The following CTNNA3 variants were observed in gnomAD, a reference collection of about 807,000 sequenced individuals.
CTNNA3 encodes the protein catenin alpha 3, also known as catenin alpha-3.
CTNNA3 carries 76 observed loss-of-function variants against 95.7 expected under a neutral mutation model. The observed-to-expected ratio is 0.79, with a 90% confidence interval of 0.66 to 0.96. The LOEUF (loss-of-function observed/expected upper bound fraction) is 0.96, where lower values mean the gene tolerates loss of function less well. Among genes scored for constraint, CTNNA3 ranks in the 40% least tolerant of loss-of-function variants. The probability of loss-of-function intolerance (pLI) is 0.00; values close to 1 mark genes in which losing one functional copy is unlikely to be tolerated. For synonymous variants in CTNNA3, 431 were observed against 374.4 expected, an observed-to-expected ratio of 1.15 and a Z score of -1.74; for missense variants, 1,191 against 1,089.8, an observed-to-expected ratio of 1.09 and a Z score of -1.31.
Position 67,492,017 on chromosome 10 carries a change from T to C in CTNNA3, c.579+29825A>G, listed in dbSNP as rs1848664282. Among the ~76,000 whole-genome samples the C allele has an allele frequency of 2.6e-5, 4 of 152,118 alleles. No homozygotes were observed. In the South Asian group the frequency reaches 8.3e-4, roughly 32 times the overall value. On this transcript the variant is annotated intron_variant, in intron 5 of 17. Transcript: ENST00000433211. ...TAAAATCTTGAATTGAAGAGAAATATATGGGGTAGAAATAAAGATATGGGA... is the reference window on the plus strand; with the variant it reads ...TAAAATCTTGAATTGAAGAGAAATACATGGGGTAGAAATAAAGATATGGGA...
chr10:66,620,112 C>A (rs1013866625), intron 10 of CTNNA3, among the ~76,000 whole-genome samples: 6 of 152,038 alleles, frequency 3.9e-5, no homozygotes, highest in Non-Finnish European at 8.8e-5. Context: ...CTTTTAACAA[C>A]ATAATGTGGG....
intron 7 of CTNNA3, among the ~76,000 whole-genome samples, chr10:66,904,288 T>C (rs1293846963): frequency 6.6e-6 from 1 of 152,208 alleles, no homozygotes; most frequent in East Asian, 1.9e-4. Context: ...ATTTAATTAA[T>C]GGTGCTGGGA....
intron 17 of CTNNA3, among the ~76,000 whole-genome samples, chr10:65,934,520 T>C (rs571574536): frequency 7.9e-5 from 12 of 152,176 alleles, no homozygotes; most frequent in Non-Finnish European, 1.8e-4. Context: ...TAATTTGAAT[T>C]CTAAATTATT....
intron 10 of CTNNA3, among the ~76,000 whole-genome samples, chr10:66,538,721 T>C (rs1841743155): frequency 6.6e-6 from 1 of 152,156 alleles, no homozygotes; most frequent in South Asian, 2.1e-4. Flanking sequence ...TTAAGTAGTC[T>C]GTTGATAGGA....
Position 67,052,310 on chromosome 10 carries a change from A to ATCTCTC in CTNNA3, c.1047+128006_1047+128007insGAGAGA, listed in dbSNP as rs1238182355. 3.8e-4 allele frequency among the ~76,000 whole-genome samples: 35 copies of ATCTCTC among 92,816 alleles called. 1 individual carries two copies. Among genetic ancestry groups the ATCTCTC allele is most frequent in the African/African-American group, 1.5e-3 (33 of 22,440 alleles). The allele number at this position is 92,816 out of a possible 152,430, so 60.9% of individuals were successfully genotyped here. On this transcript the variant is annotated intron_variant, in intron 7 of 17. Coordinates refer to ENST00000433211, the MANE Select transcript of CTNNA3 (RefSeq NM_013266.4). ...CACAGAAGAATCTTCACACCCACTCATCACTCTCTCTCTCTCTCTCTCTCT... is the reference window on the plus strand; with the variant it reads ...CACAGAAGAATCTTCACACCCACTCATCTCTCTCACTCTCTCTCTCTCTCTCTCTCT...
chr10:67,235,754 C>A (rs1355947812), intron 5 of CTNNA3, among the ~76,000 whole-genome samples: 7 of 144,092 alleles, frequency 4.9e-5, no homozygotes, highest in Admixed American at 4.8e-4. Flanking sequence ...AAAATTTTTG[C>A]AATCTACTCA....
chr10:67,635,905 A>G (rs1839296344), intron 2 of CTNNA3, among the ~76,000 whole-genome samples: 1 of 152,200 alleles, frequency 6.6e-6, no homozygotes, highest in African/African-American at 2.4e-5. Flanking sequence ...ATGATCCTAT[A>G]TCTAGAAAAA....
chr10:66,823,491 G>A (rs1477301177), intron 7 of CTNNA3, among the ~76,000 whole-genome samples: 1 of 152,144 alleles, frequency 6.6e-6, no homozygotes, highest in Non-Finnish European at 1.5e-5. Context: ...TGGGCTAGTG[G>A]TCAGGCAGCT....
chr10:66,714,378 A>G (rs151305564), intron 9 of CTNNA3, among the ~76,000 whole-genome samples: 47 of 152,246 alleles, frequency 3.1e-4, no homozygotes, highest in African/African-American at 1.1e-3. Flanking sequence ...TCATACATTC[A>G]AAAACAAGCA....
intron 2 of CTNNA3, among the ~76,000 whole-genome samples, chr10:67,620,355 G>A (rs984053175): frequency 6.6e-6 from 1 of 152,056 alleles, no homozygotes; most frequent in Admixed American, 6.6e-5. Context: ...GGCACTAAGT[G>A]TCCAAAGGTC....
intron 17 of CTNNA3, among the ~76,000 whole-genome samples, chr10:65,961,968 G>T (rs2077853842): frequency 6.6e-6 from 1 of 152,004 alleles, no homozygotes. Flanking sequence ...TGATTCCCTG[G>T]TGACTTTGTG....
chr10:66,646,287 A>G (rs1034822941), intron 9 of CTNNA3, among the ~76,000 whole-genome samples: 1 of 152,192 alleles, frequency 6.6e-6, no homozygotes, highest in Admixed American at 6.5e-5. Flanking sequence ...GGACGTGTGG[A>G]TAGGCATCAG....
chr10:67,212,079 A>ATAAGTG, intron 6 of CTNNA3, among the ~76,000 whole-genome samples: 1 of 152,120 alleles, frequency 6.6e-6, no homozygotes, highest in African/African-American at 2.4e-5. Context: ...TTAAATATAA[A>ATAAGTG]CAGTACATTG....
At chr10:66,202,212 A>T (rs528608802) in intron 13 of CTNNA3, among the ~76,000 whole-genome samples, 1 of 152,174 alleles carries the variant, frequency 6.6e-6, no homozygotes, top group Non-Finnish European at 1.5e-5. Context: ...TCACAGTTCC[A>T]TACAATCTCC....
intron 11 of CTNNA3, among the ~76,000 whole-genome samples, chr10:66,472,202 A>G (rs1839161236): frequency 6.6e-6 from 1 of 151,976 alleles, no homozygotes; most frequent in African/African-American, 2.4e-5. Flanking sequence ...TCTAGTGAAC[A>G]GAACAAAGTA....
chr10:67,143,165 G>A lies in CTNNA3; in HGVS notation c.1047+37152C>T, dbSNP rs147762428. Among the ~76,000 whole-genome samples, 45 of 151,348 alleles carry A rather than the reference G, an allele frequency of 3.0e-4. 1 individual carries two copies. In the East Asian group the frequency reaches 7.1e-3, roughly 24 times the overall value. ...CAAAAGATTTATCTGGGCCAGGCGC[G>A]GTGGCTCATGCCTGTAATCCCAGCA... On this transcript the variant is annotated intron_variant, in intron 7 of 17. Coordinates refer to ENST00000433211, the MANE Select transcript of CTNNA3 (RefSeq NM_013266.4).
intron 5 of CTNNA3, among the ~76,000 whole-genome samples, chr10:67,375,901 C>A (rs554650676): frequency 2.3e-4 from 35 of 152,234 alleles, no homozygotes; most frequent in Non-Finnish European, 4.9e-4. Flanking sequence ...AAGGTGGGAC[C>A]TTTTGGGAGG....
At chr10:66,574,712 A>G (rs570858454) in intron 10 of CTNNA3, among the ~76,000 whole-genome samples, 3 of 152,214 alleles carry the variant, frequency 2.0e-5, no homozygotes, top group South Asian at 2.1e-4. Context: ...ATAATTTTCC[A>G]TGATTACTTT....
At chr10:67,728,026 T>G (rs1238646962) in intron 1 of CTNNA3, among the ~76,000 whole-genome samples, 1 of 140,972 alleles carries the variant, frequency 7.1e-6, no homozygotes, top group African/African-American at 2.6e-5. Context: ...TCATATATTA[T>G]ATATGATATA....
Sources: allele counts gnomAD v4.1 joint callset (sites outside exome capture counted in the v4.1 genomes callset), GRCh38; gene constraint gnomAD v4.1.1; transcripts MANE v1.5; gene names NCBI Gene and HGNC (gene_info 2026-07-23, HGNC 2026-07-21).